Variants in AGBL1 observed in about 807,000 individuals in gnomAD.
The protein encoded by AGBL1 is AGBL carboxypeptidase 1.
AGBL1 carries 130 observed loss-of-function variants against 118.9 expected under a neutral mutation model. The ratio of observed to expected loss-of-function variants is 1.09; its 90% CI spans 0.95 to 1.26. The LOEUF (loss-of-function observed/expected upper bound fraction) is 1.26. Among genes scored for constraint, AGBL1 ranks in the 50% most tolerant of loss-of-function variants. AGBL1 has a pLI of 0.00. For synonymous variants in AGBL1, 555 were observed against 478.9 expected, an observed-to-expected ratio of 1.16 and a Z score of -2.08; for missense variants, 1,584 against 1,298.1, an observed-to-expected ratio of 1.22 and a Z score of -3.38.
At chr15:86,979,256 T>A (rs2081204912) in intron 23 of AGBL1, among the ~76,000 whole-genome samples, 1 of 152,172 alleles carries the variant, frequency 6.6e-6, no homozygotes, top group Non-Finnish European at 1.5e-5. Flanking sequence ...TTATGACAAT[T>A]TGGGAAATGC....
At chr15:86,281,875 A>C (rs1473727572) in intron 16 of AGBL1, among the ~76,000 whole-genome samples, 1 of 152,196 alleles carries the variant, frequency 6.6e-6, no homozygotes, top group East Asian at 1.9e-4. Flanking sequence ...AGACATCTCT[A>C]ATGTTTGAAT....
At chr15:86,547,696 G>T (rs945505834) in intron 20 of AGBL1, among the ~76,000 whole-genome samples, 8 of 152,138 alleles carry the variant, frequency 5.3e-5, no homozygotes, top group African/African-American at 1.7e-4. Context: ...CTGTTAAAAA[G>T]ATTAATCCAT....
rs145824235 is a variant in AGBL1, at chr15:86,656,370, A to G, written c.2995-17903A>G. 3.1e-3 allele frequency among the ~76,000 whole-genome samples: 473 copies of G among 152,286 alleles called. 2 individuals carry two copies. Among genetic ancestry groups the G allele is most frequent in the African/African-American group, 0.011 (442 of 41,562 alleles). On this transcript the variant is annotated intron_variant, in intron 21 of 22. Coordinates refer to ENST00000614907, the MANE Select transcript of AGBL1 (RefSeq NM_001386094.1). Reference sequence around the variant, plus strand: ...AATTAGTGGTGCTTCAAAAGTGCTTAGATATCACCCTGGGGCTTTAGGGGG... The same window carrying G: ...AATTAGTGGTGCTTCAAAAGTGCTTGGATATCACCCTGGGGCTTTAGGGGG...
chr15:86,927,110 C>T (rs923271513), intron 23 of AGBL1, among the ~76,000 whole-genome samples: 1 of 151,072 alleles, frequency 6.6e-6, no homozygotes, highest in South Asian at 2.1e-4. Flanking sequence ...TTGCACTCCA[C>T]CCCAGGCGAC....
rs144635337 is a variant in AGBL1 at position 86,776,189 on chromosome 15, A to G, written c.3158+101753A>G. On this transcript the variant is annotated intron_variant, in intron 22 of 22. Transcript: ENST00000614907. ...TCTAATGGCTGTATATGCTCATTGC[A>G]TAGATGATCACAGTTTACAGATCCA... Among the ~76,000 whole-genome samples the G allele has an allele frequency of 5.3e-5, 8 of 152,278 alleles. No homozygotes were observed. The South Asian group carries it at 1.2e-3, about 24-fold the overall frequency.
chr15:86,673,338 A>C (rs192658178), intron 21 of AGBL1, among the ~76,000 whole-genome samples: 1 of 152,190 alleles, frequency 6.6e-6, no homozygotes, highest in Non-Finnish European at 1.5e-5. Context: ...AAGACCACAC[A>C]TTTAGAAACT....
chr15:86,986,223 C>T (rs906577657), intron 23 of AGBL1, among the ~76,000 whole-genome samples: 7 of 152,128 alleles, frequency 4.6e-5, no homozygotes, highest in African/African-American at 9.7e-5. Flanking sequence ...GGCGCCCGGC[C>T]AGGATATCAA....
chr15:86,819,660 A>G (rs2141384688), intron 22 of AGBL1, among the ~76,000 whole-genome samples: 1 of 152,310 alleles, frequency 6.6e-6, no homozygotes, highest in East Asian at 1.9e-4. Flanking sequence ...AACACATGGA[A>G]AAACATTCCA....
At chr15:86,539,855 A>G (rs1350091041) in intron 19 of AGBL1, among the ~76,000 whole-genome samples, 1 of 152,204 alleles carries the variant, frequency 6.6e-6, no homozygotes, top group Non-Finnish European at 1.5e-5. Flanking sequence ...TTGGGTTCCC[A>G]GAGAACGCTG....
intron 18 of AGBL1, among the ~76,000 whole-genome samples, chr15:86,482,288 G>A (rs1415511876): frequency 1.3e-5 from 2 of 152,154 alleles, no homozygotes; most frequent in Non-Finnish European, 2.9e-5. Flanking sequence ...GATCCCAGCT[G>A]AAGGGAGCTA....
intron 5 of AGBL1, among the ~76,000 whole-genome samples, chr15:86,162,846 C>T (rs917964589): frequency 1.3e-5 from 2 of 152,204 alleles, no homozygotes; most frequent in Non-Finnish European, 2.9e-5. Context: ...CTCCCTTCCT[C>T]TGGAATGCCA....
chr15:86,694,607 C>G (rs1307837771), intron 22 of AGBL1, among the ~76,000 whole-genome samples: 1 of 152,008 alleles, frequency 6.6e-6, no homozygotes. Flanking sequence ...TGTCTGATTG[C>G]TCTGACTAGG....
intron 18 of AGBL1, among the ~76,000 whole-genome samples, chr15:86,409,306 T>C (rs1277092176): frequency 6.6e-6 from 1 of 152,214 alleles, no homozygotes; most frequent in Non-Finnish European, 1.5e-5. Context: ...TCAATCTTTC[T>C]GATGAACTTG....
At chr15:86,345,157 C>G (rs968261443) in intron 17 of AGBL1, among the ~76,000 whole-genome samples, 4 of 151,938 alleles carry the variant, frequency 2.6e-5, no homozygotes, top group African/African-American at 9.7e-5. Context: ...TTTATATTAA[C>G]CATCTTATTT....
intron 5 of AGBL1, among the ~76,000 whole-genome samples, chr15:86,205,578 G>A (rs1429689177): frequency 6.6e-6 from 1 of 152,246 alleles, no homozygotes; most frequent in Non-Finnish European, 1.5e-5. Context: ...CATCAGCAAT[G>A]AGTGAGAATT....
chr15:86,858,685 G>T (rs930274846), intron 22 of AGBL1, among the ~76,000 whole-genome samples: 2 of 152,152 alleles, frequency 1.3e-5, no homozygotes, highest in East Asian at 3.8e-4. Flanking sequence ...GGGTAACAGG[G>T]ACAGGCTCAA....
chr15:86,369,418 T>A (rs2080938052), intron 17 of AGBL1, among the ~76,000 whole-genome samples: 2 of 152,068 alleles, frequency 1.3e-5, no homozygotes, highest in Non-Finnish European at 2.9e-5. Context: ...AGTCAAGACA[T>A]AAAATCTATA....
intron 22 of AGBL1, among the ~76,000 whole-genome samples, chr15:86,709,919 TAGAG>T (rs2086523825): frequency 1.3e-5 from 2 of 152,314 alleles, no homozygotes; most frequent in South Asian, 4.1e-4. Flanking sequence ...AATCATTAAA[TAGAG>T]AGCCTTGTTA....
intron 7 of AGBL1, 81 bp from the exon 8 acceptor site, chr15:86,256,772 T>C (rs1011904285): frequency 5.3e-5 from 77 of 1,443,088 alleles, no homozygotes; most frequent in Non-Finnish European, 7.1e-5. Flanking sequence ...GTGTTACAGC[T>C]TGGAGAGTGT....
Sources: gnomAD v4.1 joint callset for allele counts (sites outside exome capture counted in the v4.1 genomes callset) on GRCh38, gnomAD v4.1.1 for gene constraint, MANE v1.5 for transcripts, NCBI Gene and HGNC (gene_info 2026-07-23, HGNC 2026-07-21) for gene names.